SLC22A25: variants seen among roughly 807,000 people sequenced by gnomAD.
SLC22A25 encodes the protein MGI:2442751, MGI:2385316, MGI:3042283, MGI:3645714, MGI:3605624, MGI:2442750.
Under a neutral mutation model 45.9 loss-of-function variants are expected in SLC22A25, and 44 were observed. The ratio of observed to expected loss-of-function variants is 0.96; its 90% CI spans 0.75 to 1.23. SLC22A25 has a LOEUF of 1.23. Ranked by LOEUF, SLC22A25 falls within the 50% of genes most tolerant of loss-of-function variation. SLC22A25 has a pLI of 0.00. For missense variants in SLC22A25, 800 were observed against 666.4 expected, an observed-to-expected ratio of 1.20 and a Z score of -2.21; for synonymous variants, 283 against 238.6, an observed-to-expected ratio of 1.19 and a Z score of -1.72.
intron 7 of SLC22A25, among the ~76,000 whole-genome samples, chr11:63,210,102 A>G (rs2089517410): frequency 6.6e-6 from 1 of 152,244 alleles, no homozygotes; most frequent in Non-Finnish European, 1.5e-5. Flanking sequence ...CGAGGCATAT[A>G]GGCTGTACTC....
At chr11:63,233,028 C>T (rs545887368) in intron 3 of SLC22A25, among the ~76,000 whole-genome samples, 17 of 152,142 alleles carry the variant, frequency 1.1e-4, no homozygotes, top group African/African-American at 2.2e-4. Context: ...CTGCTGGATT[C>T]GGTTTGCCAG....
chr11:63,236,506 G>C (rs1302154877), intron 3 of SLC22A25, among the ~76,000 whole-genome samples: 2 of 152,134 alleles, frequency 1.3e-5, no homozygotes, highest in Non-Finnish European at 2.9e-5. Flanking sequence ...ATAGTATTAG[G>C]GTGGGAGTGA....
At chr11:63,183,369 C>A (rs1351509119) in intron 8 of SLC22A25, among the ~76,000 whole-genome samples, 1 of 152,024 alleles carries the variant, frequency 6.6e-6, no homozygotes, top group Non-Finnish European at 1.5e-5. Flanking sequence ...GAAAGAAGGC[C>A]ACAGAATAAT....
In SLC22A25 at chr11:63,158,976, A is replaced by G. The variant is rs1460043751; in HGVS notation, c.*4848T>C. 6.6e-6 allele frequency among the ~76,000 whole-genome samples: 1 copy of G among 151,942 alleles called. No individual in the cohort carries two copies. The highest frequency in any genetic ancestry group is 1.9e-4 in the East Asian group (1 of 5,182). ...TATGAGTTCAATTGTTTTTATTTTT[A>G]TCTCACACAAATAAGCAAGAACATG... On this transcript the variant is annotated 3_prime_UTR_variant, in exon 12 of 12. Transcript: ENST00000306494.
At chr11:63,207,471 T>C (rs1247573157) in intron 7 of SLC22A25, among the ~76,000 whole-genome samples, 1 of 152,092 alleles carries the variant, frequency 6.6e-6, no homozygotes, top group African/African-American at 2.4e-5. Flanking sequence ...ACCAGACACT[T>C]CTCAAAATAA....
At chr11:63,219,888 G>T (rs1039704786) in intron 5 of SLC22A25, 3 of 1,274,126 alleles carry the variant, frequency 2.4e-6, no homozygotes, top group Non-Finnish European at 3.1e-6. Context: ...ACTCTTTTAA[G>T]TGTTACTTTT....
chr11:63,166,873 T>C (rs2087702543), intron 9 of SLC22A25: 2 of 985,218 alleles, frequency 2.0e-6, no homozygotes, highest in Admixed American at 6.1e-5. Context: ...AGGTAGTCGA[T>C]AGAGACAGCT....
chr11:63,197,621 C>T (rs1361580173), intron 7 of SLC22A25, among the ~76,000 whole-genome samples: 1 of 152,150 alleles, frequency 6.6e-6, no homozygotes, highest in Non-Finnish European at 1.5e-5. Context: ...CATAAAAACC[C>T]TAGAAGAAGA....
rs1035890364 is a variant in SLC22A25 at position 63,161,370 on chromosome 11, T to C, written c.*2454A>G. Among the ~76,000 whole-genome samples the C allele has an allele frequency of 1.3e-5, 2 of 152,136 alleles. No homozygotes were observed. Among genetic ancestry groups the C allele is most frequent in the African/African-American group, 4.8e-5 (2 of 41,418 alleles). On this transcript the variant is annotated 3_prime_UTR_variant, in exon 12 of 12. Transcript: ENST00000306494. Reference sequence around the variant, plus strand: ...ACTTTGGGGGACTGTTGGGAAGGCATGATTAGTTTTGAAATGTGAGGACAT... The same window carrying C: ...ACTTTGGGGGACTGTTGGGAAGGCACGATTAGTTTTGAAATGTGAGGACAT...
rs904230657 is a variant in SLC22A25 at position 63,205,809 on chromosome 11, C to T, written c.830+11505G>A. ...CTCTTCCCAAACTCATTTTATGAGG[C>T]CAGCATCATCCTGATACCAAAACCC... On this transcript the variant is annotated intron_variant, in intron 7 of 11. Transcript: ENST00000306494. Among the ~76,000 whole-genome samples the T allele has an allele frequency of 4.0e-5, 6 of 151,346 alleles. No homozygotes were observed. The East Asian group carries it at 9.6e-4, about 24-fold the overall frequency.
intron 1 of SLC22A25, chr11:63,243,093 G>T: frequency 6.2e-6 from 1 of 160,304 alleles, no homozygotes; most frequent in Non-Finnish European, 1.4e-5. Context: ...CCATGCAGCT[G>T]CTGGGCTGTG....
chr11:63,169,896 T>C lies in SLC22A25; in HGVS notation c.1071-3638A>G, dbSNP rs151177004. Among the ~76,000 whole-genome samples, 1,127 of 152,254 alleles carry C rather than the reference T, an allele frequency of 7.4e-3. 9 individuals are homozygous for C. Among genetic ancestry groups the C allele is most frequent in the African/African-American group, 0.025 (1,032 of 41,542 alleles). On this transcript the variant is annotated intron_variant, in intron 9 of 11. Coordinates refer to ENST00000306494, the MANE Select transcript of SLC22A25 (RefSeq NM_199352.6). ...GCACCACATCGCACTTATTCTAAAA[T>C]TGATCACATAATTGGAAGTAAAACA...
At chr11:63,214,627 A>G (rs1230575756) in intron 7 of SLC22A25, among the ~76,000 whole-genome samples, 1 of 152,160 alleles carries the variant, frequency 6.6e-6, no homozygotes, top group Non-Finnish European at 1.5e-5. Context: ...CAAGTTGTAA[A>G]ACATGTTTTT....
In SLC22A25 at chr11:63,194,890, CAAAAAAAAAAAAAAAAAAAAAAAAAAAAA is replaced by C. The variant is rs796301840; in HGVS notation, c.831-11102_831-11074del. On this transcript the variant is annotated intron_variant, in intron 7 of 11. Transcript: ENST00000306494. ...GAAAATCTACCAAGCAAATGGAAAGCAAAAAAAAAAAAAAAAAAAAAAAAAAAAAAAAAAAAAAAAAAAAAAGCAGGGGT... is the reference window on the plus strand; with the variant it reads ...GAAAATCTACCAAGCAAATGGAAAGCAAAAAAAAAAAAAAAAAGCAGGGGT... Among the ~76,000 whole-genome samples the C allele has an allele frequency of 6.1e-3, 210 of 34,652 alleles. 2 individuals are homozygous for C. Among genetic ancestry groups the C allele is most frequent in the East Asian group, 0.018 (14 of 782 alleles). 22.7% of individuals were successfully genotyped at this position (34,652 alleles called of 152,430 possible).
intron 3 of SLC22A25, among the ~76,000 whole-genome samples, chr11:63,234,615 T>C (rs1444128292): frequency 1.3e-5 from 2 of 152,240 alleles, no homozygotes; most frequent in South Asian, 2.1e-4. Context: ...TGCCTTTCAA[T>C]TGGAGCATTT....
intron 7 of SLC22A25, among the ~76,000 whole-genome samples, chr11:63,204,004 C>A (rs1264133547): frequency 6.6e-6 from 1 of 152,150 alleles, no homozygotes; most frequent in Non-Finnish European, 1.5e-5. Flanking sequence ...AGCCAATAAT[C>A]AACACTCTTA....
At chr11:63,178,486 T>TC (rs1211234550) in intron 9 of SLC22A25, among the ~76,000 whole-genome samples, 1 of 151,716 alleles carries the variant, frequency 6.6e-6, no homozygotes, top group Non-Finnish European at 1.5e-5. Context: ...ATTTTTTTTT[T>TC]TGTCTTTTTG....
intron 5 of SLC22A25, chr11:63,219,966 C>T (rs973671029): frequency 1.7e-5 from 22 of 1,289,158 alleles, no homozygotes; most frequent in Non-Finnish European, 2.1e-5. Context: ...GCAATGGGCA[C>T]CTCAAGTCCC....
intron 8 of SLC22A25, among the ~76,000 whole-genome samples, chr11:63,181,834 G>C (rs1187428671): frequency 1.3e-5 from 2 of 152,080 alleles, no homozygotes; most frequent in African/African-American, 4.8e-5. Context: ...TTGAGGCAAG[G>C]TACGTGAAGT....
Sources: allele counts gnomAD v4.1 joint callset (sites outside exome capture counted in the v4.1 genomes callset), GRCh38; gene constraint gnomAD v4.1.1; transcripts MANE v1.5; gene names NCBI Gene and HGNC (gene_info 2026-07-23, HGNC 2026-07-21).